Variants in KIAA1217 observed in about 807,000 individuals in gnomAD.
KIAA1217 encodes KIAA1217.
A neutral mutation model predicts 163.9 loss-of-function variants in KIAA1217; 88 were observed. That is an observed-to-expected ratio of 0.54 (90% confidence interval 0.45 to 0.64). The LOEUF (loss-of-function observed/expected upper bound fraction) is 0.64, where lower values mean the gene tolerates loss of function less well. KIAA1217 is among the 30% of genes least tolerant of loss of function. KIAA1217 has a pLI of 0.00. For missense variants in KIAA1217, 2,372 were observed against 2,475.0 expected (o/e 0.96, Z 0.88); for synonymous variants, 903 against 923.1 (o/e 0.98, Z 0.39).
intron 1 of KIAA1217, among the ~76,000 whole-genome samples, chr10:23,739,775 T>C (rs951226714): frequency 6.6e-6 from 1 of 152,204 alleles, no homozygotes; most frequent in Non-Finnish European, 1.5e-5. Context: ...TGAGAGATCC[T>C]GTGGATCTCA....
At chr10:23,822,707 C>T (rs1353402866) in intron 1 of KIAA1217, among the ~76,000 whole-genome samples, 1 of 152,094 alleles carries the variant, frequency 6.6e-6, no homozygotes, top group African/African-American at 2.4e-5. Context: ...CTTAAAGAAA[C>T]AAAATGCTTT....
chr10:24,416,884 C>A (rs779976436), intron 3 of KIAA1217, among the ~76,000 whole-genome samples: 7 of 152,146 alleles, frequency 4.6e-5, no homozygotes, highest in Non-Finnish European at 1.0e-4. Flanking sequence ...GGGGTGCATA[C>A]ACCAATGTCA....
chr10:24,100,963 G>A (rs1487469160), intron 2 of KIAA1217, among the ~76,000 whole-genome samples: 1 of 152,184 alleles, frequency 6.6e-6, no homozygotes, highest in East Asian at 1.9e-4. Context: ...TGGGATAAAT[G>A]TTTTGTATCA....
intron 2 of KIAA1217, among the ~76,000 whole-genome samples, chr10:24,032,175 C>A (rs1383798982): frequency 6.6e-6 from 1 of 152,054 alleles, no homozygotes; most frequent in Non-Finnish European, 1.5e-5. Context: ...GAAATTATAC[C>A]AATGAAATCC....
intron 3 of KIAA1217, among the ~76,000 whole-genome samples, chr10:24,405,661 C>T (rs2057129525): frequency 6.6e-6 from 1 of 152,098 alleles, no homozygotes; most frequent in African/African-American, 2.4e-5. Flanking sequence ...GAGCATCTGC[C>T]CTGTGTCTGG....
intron 2 of KIAA1217, among the ~76,000 whole-genome samples, chr10:24,017,609 C>G (rs74124886): frequency 0.013 from 1,932 of 152,118 alleles, 33 homozygotes; most frequent in African/African-American, 0.044. Context: ...AAGTGAAACA[C>G]CTCCTGATAC....
intron 5 of KIAA1217, among the ~76,000 whole-genome samples, chr10:24,448,215 G>A (rs16924781): frequency 0.014 from 2,170 of 151,824 alleles, 58 homozygotes; most frequent in African/African-American, 0.049. Flanking sequence ...GTGTTCATCA[G>A]AAATACACAG....
At chr10:24,468,116 A>G (rs1481476316) in intron 5 of KIAA1217, among the ~76,000 whole-genome samples, 1 of 152,124 alleles carries the variant, frequency 6.6e-6, no homozygotes, top group Non-Finnish European at 1.5e-5. Context: ...CAGATTCTGG[A>G]GTCTCTAAAT....
chr10:24,043,699 C>A (rs190018733), intron 2 of KIAA1217, among the ~76,000 whole-genome samples: 49 of 152,200 alleles, frequency 3.2e-4, no homozygotes, highest in African/African-American at 1.1e-3. Context: ...ATGAAAAATT[C>A]TTAGAAAAGG....
intron 6 of KIAA1217, among the ~76,000 whole-genome samples, chr10:24,493,199 T>C (rs2066367927): frequency 6.6e-6 from 1 of 152,174 alleles, no homozygotes; most frequent in Non-Finnish European, 1.5e-5. Context: ...AGCATGTATT[T>C]AATAGTGTAA....
intron 1 of KIAA1217, among the ~76,000 whole-genome samples, chr10:23,724,385 C>A (rs1838025143): frequency 6.6e-6 from 1 of 152,042 alleles, no homozygotes; most frequent in Non-Finnish European, 1.5e-5. Context: ...ATATATTTTT[C>A]ATTGTGTTAT....
At position 24,451,641 on chromosome 10, in the gene KIAA1217, C is replaced by A. The variant is rs536539898; in HGVS notation, c.846+13162C>A. 1.1e-4 allele frequency among the ~76,000 whole-genome samples: 16 copies of A among 152,340 alleles called. No individual in the cohort carries two copies. In the South Asian group the frequency reaches 2.3e-3, roughly 22 times the overall value. On this transcript the variant is annotated intron_variant, in intron 5 of 20. Transcript: ENST00000376454. ...CAACTCAAAGTTGATTGGAGCAGAA[C>A]CTTCCTTCTCCCCAACAGGTCCTAG...
chr10:23,709,165 G>A (rs994000728), intron 1 of KIAA1217, among the ~76,000 whole-genome samples: 1 of 152,126 alleles, frequency 6.6e-6, no homozygotes, highest in Non-Finnish European at 1.5e-5. Context: ...GCGGCCACTT[G>A]ACACTTTGGA....
intron 2 of KIAA1217, among the ~76,000 whole-genome samples, chr10:24,310,333 G>A (rs1327292381): frequency 6.6e-6 from 1 of 152,156 alleles, no homozygotes; most frequent in Non-Finnish European, 1.5e-5. Context: ...TCTGCAGTTT[G>A]CAGAGAAGGA....
At chr10:23,801,678 T>C (rs1250229772) in intron 1 of KIAA1217, among the ~76,000 whole-genome samples, 2 of 152,198 alleles carry the variant, frequency 1.3e-5, no homozygotes, top group African/African-American at 4.8e-5. Flanking sequence ...TCTCGTTTAC[T>C]CTGCACAGAC....
intron 1 of KIAA1217, among the ~76,000 whole-genome samples, chr10:24,210,025 A>G (rs1173225872): frequency 6.6e-6 from 1 of 152,096 alleles, no homozygotes; most frequent in East Asian, 1.9e-4. Flanking sequence ...CCAAGAGCTG[A>G]TTCTGTGGGA....
At chr10:24,472,860 C>T (rs1042773111) in intron 5 of KIAA1217, among the ~76,000 whole-genome samples, 1 of 152,102 alleles carries the variant, frequency 6.6e-6, no homozygotes, top group African/African-American at 2.4e-5. Context: ...ATTTCCTCAC[C>T]TTTTCCAGCT....
intron 1 of KIAA1217, among the ~76,000 whole-genome samples, chr10:23,748,528 A>AGAGGGGAGGG (rs148781004): frequency 9.1e-6 from 1 of 109,584 alleles, no homozygotes; most frequent in Non-Finnish European, 1.8e-5. Context: ...GAAAGGAAGG[A>AGAGGGGAGGG]GAGGGGAGGG....
At chr10:23,702,180 G>A (rs977904284) in intron 1 of KIAA1217, among the ~76,000 whole-genome samples, 2 of 151,952 alleles carry the variant, frequency 1.3e-5, no homozygotes, top group African/African-American at 2.4e-5. Context: ...TCATTTTATT[G>A]TAACTGTAAA....
Sources: gnomAD v4.1 joint callset for allele counts (sites outside exome capture counted in the v4.1 genomes callset) on GRCh38, gnomAD v4.1.1 for gene constraint, MANE v1.5 for transcripts, NCBI Gene and HGNC (gene_info 2026-07-23, HGNC 2026-07-21) for gene names.